Variants in DGKB observed in about 807,000 individuals in gnomAD.
DGKB encodes the protein 90 kDa diacylglycerol kinase.
A neutral mutation model predicts 114.3 loss-of-function variants in DGKB; 67 were observed. The ratio of observed to expected loss-of-function variants is 0.59; its 90% CI spans 0.48 to 0.72. The LOEUF (loss-of-function observed/expected upper bound fraction) is 0.72. Ranked by LOEUF, DGKB falls within the 30% of genes least tolerant of loss-of-function variation. The pLI is 0.00. For missense variants in DGKB, 907 were observed against 975.2 expected (o/e 0.93, Z 0.93); for synonymous variants, 398 against 323.1 (o/e 1.23, Z -2.49).
intron 23 of DGKB, among the ~76,000 whole-genome samples, chr7:14,265,973 T>C (rs1365174835): frequency 1.3e-5 from 2 of 152,008 alleles, no homozygotes; most frequent in African/African-American, 2.4e-5. Context: ...CGAAAGAGGG[T>C]AGCCTATTTT....
At chr7:14,628,472 A>G (rs1385153354) in intron 14 of DGKB, among the ~76,000 whole-genome samples, 1 of 152,160 alleles carries the variant, frequency 6.6e-6, no homozygotes, top group Non-Finnish European at 1.5e-5. Flanking sequence ...TGAAACTATT[A>G]TAAGTGATAA....
chr7:14,467,587 A>G (rs1780669179), intron 21 of DGKB, among the ~76,000 whole-genome samples: 1 of 152,168 alleles, frequency 6.6e-6, no homozygotes, highest in South Asian at 2.1e-4. Context: ...AAACACTGTT[A>G]ATGCAGAAAA....
chr7:14,539,418 C>T (rs1234287752), intron 20 of DGKB, among the ~76,000 whole-genome samples: 1 of 152,008 alleles, frequency 6.6e-6, no homozygotes, highest in Non-Finnish European at 1.5e-5. Flanking sequence ...ATGAATAAAG[C>T]TTAATCAATA....
chr7:14,518,860 C>T (rs1191926209), intron 20 of DGKB, among the ~76,000 whole-genome samples: 1 of 151,938 alleles, frequency 6.6e-6, no homozygotes, highest in Non-Finnish European at 1.5e-5. Flanking sequence ...TGTTAAAATA[C>T]AGATTCTTTG....
At chr7:14,324,738 C>A (rs896339677) in intron 23 of DGKB, among the ~76,000 whole-genome samples, 1 of 152,050 alleles carries the variant, frequency 6.6e-6, no homozygotes, top group Non-Finnish European at 1.5e-5. Context: ...GCAATCACCA[C>A]CAAGAATAAA....
intron 1 of DGKB, among the ~76,000 whole-genome samples, chr7:14,959,765 T>TAA (rs564208336): frequency 9.6e-4 from 139 of 144,146 alleles, no homozygotes; most frequent in African/African-American, 3.4e-3. Flanking sequence ...CCACTGAGAT[T>TAA]AAAAAAAAAA....
chr7:14,841,416 T>G lies in DGKB; in HGVS notation c.-153A>C. ...TGCAATCTGTCCACATGAAACTGCT[T>G]TGGATGCTTGTAATTTCAATAATGT... On this transcript the variant is annotated 5_prime_UTR_variant, in exon 2 of 26. Transcript: ENST00000402815. 1.9e-6 allele frequency: 1 copy of G among 519,056 alleles called. No individual in the cohort carries two copies. The highest frequency in any genetic ancestry group is 4.0e-5 in the South Asian group (1 of 25,186). 32.2% of individuals were successfully genotyped at this position (519,056 alleles called of 1,614,324 possible). A position where few individuals can be genotyped will look rare whatever the true frequency, so the allele number is the denominator to read the frequency against.
At chr7:14,588,535 C>T (rs1357937364) in intron 17 of DGKB, among the ~76,000 whole-genome samples, 1 of 152,014 alleles carries the variant, frequency 6.6e-6, no homozygotes, top group African/African-American at 2.4e-5. Flanking sequence ...CTTCTCTCCC[C>T]ACTTTCTCCC....
At chr7:14,601,004 T>C (rs981713875) in intron 17 of DGKB, among the ~76,000 whole-genome samples, 1 of 152,166 alleles carries the variant, frequency 6.6e-6, no homozygotes. Context: ...GCCTGAACCA[T>C]GTAGCAGTTC....
At chr7:14,197,530 C>A (rs924681659) in intron 23 of DGKB, among the ~76,000 whole-genome samples, 2 of 152,128 alleles carry the variant, frequency 1.3e-5, no homozygotes, top group Non-Finnish European at 2.9e-5. Context: ...ACATGCTGTA[C>A]GGAAAACCTC....
chr7:14,845,757 CA>C, intron 1 of DGKB, among the ~76,000 whole-genome samples: 1 of 151,200 alleles, frequency 6.6e-6, no homozygotes, highest in South Asian at 2.1e-4. Flanking sequence ...ATAAAGGAGA[CA>C]AGAACAGAAG....
intron 1 of DGKB, among the ~76,000 whole-genome samples, chr7:14,947,203 T>C (rs61078983): frequency 0.031 from 4,744 of 151,806 alleles, 238 homozygotes; most frequent in African/African-American, 0.11. Context: ...CAGTTTGTTA[T>C]GTTTAAACCT....
intron 20 of DGKB, among the ~76,000 whole-genome samples, chr7:14,481,503 CAAAT>C (rs1273502041): frequency 6.6e-6 from 1 of 151,862 alleles, no homozygotes; most frequent in Non-Finnish European, 1.5e-5. Context: ...CTTTCTCTCA[CAAAT>C]AGTTTCTAAA....
chr7:14,337,211 T>C (rs1028492450), intron 23 of DGKB, among the ~76,000 whole-genome samples: 1 of 152,142 alleles, frequency 6.6e-6, no homozygotes, highest in Non-Finnish European at 1.5e-5. Context: ...CAATAACTTC[T>C]AGAAACTAAT....
chr7:14,596,154 A>G (rs1408252941), intron 17 of DGKB, among the ~76,000 whole-genome samples: 1 of 152,182 alleles, frequency 6.6e-6, no homozygotes, highest in East Asian at 1.9e-4. Flanking sequence ...TAGAGCTGAT[A>G]TAGGCTGTGC....
At chr7:14,881,324 C>T (rs774455444) in intron 1 of DGKB, among the ~76,000 whole-genome samples, 26 of 152,124 alleles carry the variant, frequency 1.7e-4, no homozygotes, top group African/African-American at 5.8e-4. Flanking sequence ...TTTCCATAGT[C>T]CTGTCACCAT....
chr7:14,677,516 CTCTATA>C (rs1820075837), intron 12 of DGKB, among the ~76,000 whole-genome samples: 1 of 151,940 alleles, frequency 6.6e-6, no homozygotes, highest in Non-Finnish European at 1.5e-5. Flanking sequence ...ACAATATTAT[CTCTATA>C]TCATAGCAAA....
At chr7:14,156,381 T>G (rs1255118013) in intron 25 of DGKB, among the ~76,000 whole-genome samples, 1 of 152,186 alleles carries the variant, frequency 6.6e-6, no homozygotes, top group African/African-American at 2.4e-5. Flanking sequence ...AGATAATAAA[T>G]GATTTCGGCT....
intron 1 of DGKB, among the ~76,000 whole-genome samples, chr7:14,879,188 T>C (rs1853832211): frequency 6.6e-6 from 1 of 151,882 alleles, no homozygotes; most frequent in Non-Finnish European, 1.5e-5. Context: ...TAATGACAAA[T>C]AAAAATAATC....
Sources: gnomAD v4.1 joint callset for allele counts (sites outside exome capture counted in the v4.1 genomes callset) on GRCh38, gnomAD v4.1.1 for gene constraint, MANE v1.5 for transcripts, NCBI Gene and HGNC (gene_info 2026-07-23, HGNC 2026-07-21) for gene names.